The following SRGAP3 variants were observed in gnomAD, a reference collection of about 807,000 sequenced individuals.
SRGAP3 encodes the protein SLIT-ROBO Rho GTPase activating protein 3.
In SRGAP3, 39 loss-of-function variants were observed where a neutral mutation model predicts 121.1. The ratio of observed to expected loss-of-function variants is 0.32; its 90% CI spans 0.25 to 0.42. The LOEUF (loss-of-function observed/expected upper bound fraction) is 0.42, where lower values mean the gene tolerates loss of function less well. Ranked by LOEUF, SRGAP3 falls within the 10% of genes least tolerant of loss-of-function variation. SRGAP3 has a pLI of 1.00. For synonymous variants in SRGAP3, 601 were observed against 570.0 expected (o/e 1.05, Z -0.77); for missense variants, 1,213 against 1,470.6 (o/e 0.82, Z 2.86).
At chr3:8,988,439 A>G (rs1329852392) in intron 21 of SRGAP3, among the ~76,000 whole-genome samples, 1 of 152,088 alleles carries the variant, frequency 6.6e-6, no homozygotes, top group Non-Finnish European at 1.5e-5. Flanking sequence ...CTTACATATC[A>G]TTTACTACAA....
chr3:9,010,350 C>A lies in SRGAP3; in HGVS notation c.2185G>T (p.Val729Phe). The A allele has an allele frequency of 6.2e-7, 1 of 1,614,138 alleles. No homozygotes were observed. Among genetic ancestry groups the A allele is most frequent in the East Asian group, 2.2e-5 (1 of 44,876 alleles). Residue 729 changes from valine to phenylalanine, a missense_variant, in exon 18 of 22, where the codon GTT becomes TTT. By Grantham distance (50) the Val-to-Phe change is conservative (BLOSUM62 -1). Around this residue, in one of 2 missense-constraint regions of SRGAP3, gnomAD observed 793 missense variants for 1,032.9 expected, o/e 0.77. Transcript: ENST00000383836. The part of the protein sequence containing the change: ...PHSEPGAIDE[V>F]DHDNGTEPHT... ...GGCTCAGTGCCATTGTCATGGTCAA[C>A]TTCATCGATGGCCCCTGGCTCGCTG...
At chr3:9,164,532 T>A (rs1950717355) in intron 1 of SRGAP3, among the ~76,000 whole-genome samples, 1 of 151,934 alleles carries the variant, frequency 6.6e-6, no homozygotes, top group African/African-American at 2.4e-5. Flanking sequence ...TCAAGTGATC[T>A]ACTCACCTCA....
chr3:9,155,655 G>A (rs1296500945), intron 1 of SRGAP3, among the ~76,000 whole-genome samples: 2 of 152,038 alleles, frequency 1.3e-5, no homozygotes, highest in Admixed American at 6.5e-5. Flanking sequence ...CTTCAATTAT[G>A]TCCAGTATCA....
At chr3:9,275,744 A>ATTG (rs1954561355) in intron 3 of SRGAP3, among the ~76,000 whole-genome samples, 5 of 152,174 alleles carry the variant, frequency 3.3e-5, no homozygotes, top group African/African-American at 9.7e-5. Flanking sequence ...CTACCCCATC[A>ATTG]CGTGGAACTG....
At chr3:8,986,678 G>A (rs769431348) in intron 21 of SRGAP3, among the ~76,000 whole-genome samples, 7 of 152,224 alleles carry the variant, frequency 4.6e-5, no homozygotes, top group East Asian at 1.9e-4. Flanking sequence ...TGTTCACAGC[G>A]CACATCCCAG....
intron 3 of SRGAP3, among the ~76,000 whole-genome samples, chr3:9,322,236 G>A (rs1334684065): frequency 6.6e-6 from 1 of 151,772 alleles, no homozygotes; most frequent in Non-Finnish European, 1.5e-5. Context: ...CTCAACAAAG[G>A]GGAGTGTGGT....
intron 3 of SRGAP3, among the ~76,000 whole-genome samples, chr3:9,100,512 T>C (rs965007794): frequency 3.9e-5 from 6 of 152,166 alleles, no homozygotes; most frequent in African/African-American, 1.2e-4. Context: ...TTAGGACCTC[T>C]TGGCAGTTAC....
At chr3:9,083,514 C>T (rs1160544225) in intron 3 of SRGAP3, among the ~76,000 whole-genome samples, 2 of 152,208 alleles carry the variant, frequency 1.3e-5, no homozygotes, top group African/African-American at 2.4e-5. Context: ...TTTCACTTAA[C>T]GATATCTCTG....
At chr3:9,270,218 G>A (rs1333880952) in intron 3 of SRGAP3, among the ~76,000 whole-genome samples, 4 of 152,118 alleles carry the variant, frequency 2.6e-5, no homozygotes, top group Non-Finnish European at 5.9e-5. Flanking sequence ...TCTGTATTGT[G>A]TAATATTGAT....
rs919897017 is a variant in SRGAP3 at position 9,226,861 on chromosome 3, G to A, written c.67+22024C>T. 9.9e-5 allele frequency among the ~76,000 whole-genome samples: 15 copies of A among 152,190 alleles called. No individual in the cohort carries two copies. In the South Asian group the frequency reaches 1.0e-3, roughly 11 times the overall value. On this transcript the variant is annotated intron_variant, in intron 1 of 21. Coordinates refer to ENST00000383836, the MANE Select transcript of SRGAP3 (RefSeq NM_014850.4). ...GAAGCTGATGGCTCTTCATTTCATC[G>A]ATAACACAGATGGCACCATGAGCAC...
intron 15 of SRGAP3, among the ~76,000 whole-genome samples, 162 bp downstream of exon 15, chr3:9,015,435 A>G (rs1218235078): frequency 6.6e-6 from 1 of 152,170 alleles, no homozygotes; most frequent in Non-Finnish European, 1.5e-5. Flanking sequence ...CCCTTTCATT[A>G]TAAACCATCT....
intron 15 of SRGAP3, 53 bp downstream of exon 15, chr3:9,015,544 A>C: frequency 6.2e-7 from 1 of 1,610,474 alleles, no homozygotes; most frequent in East Asian, 2.2e-5. Flanking sequence ...CTGTAGCTCA[A>C]CTCCAACAAT....
intron 1 of SRGAP3, among the ~76,000 whole-genome samples, chr3:9,152,121 G>A (rs1403661425): frequency 1.3e-5 from 2 of 152,230 alleles, no homozygotes; most frequent in Non-Finnish European, 2.9e-5. Flanking sequence ...ATTCACTGCT[G>A]TATCCCCTGT....
intron 1 of SRGAP3, among the ~76,000 whole-genome samples, chr3:9,177,891 C>G (rs1355065299): frequency 6.6e-6 from 1 of 152,186 alleles, no homozygotes; most frequent in East Asian, 1.9e-4. Context: ...CACAACCAAG[C>G]AGGACCAGCA....
intron 3 of SRGAP3, among the ~76,000 whole-genome samples, chr3:9,104,404 C>T (rs1270005629): frequency 6.6e-6 from 1 of 152,170 alleles, no homozygotes; most frequent in East Asian, 1.9e-4. Flanking sequence ...AAATTTTCTA[C>T]AATGAATATG....
At chr3:9,326,597 C>T (rs555375932) in intron 2 of SRGAP3, among the ~76,000 whole-genome samples, 60 of 151,900 alleles carry the variant, frequency 3.9e-4, no homozygotes, top group African/African-American at 1.2e-3. Flanking sequence ...TAACACTGAA[C>T]TTATGTCCTC....
At chr3:9,087,168 G>T (rs1947540335) in intron 3 of SRGAP3, among the ~76,000 whole-genome samples, 3 of 152,124 alleles carry the variant, frequency 2.0e-5, no homozygotes, top group African/African-American at 7.2e-5. Flanking sequence ...CGAATGAAGT[G>T]ACAGTTCCTC....
chr3:9,091,432 G>A (rs540776447), intron 3 of SRGAP3, among the ~76,000 whole-genome samples: 3 of 152,040 alleles, frequency 2.0e-5, no homozygotes, highest in East Asian at 1.9e-4. Flanking sequence ...CCTAAATGCC[G>A]ACAGATCCTA....
rs1575039122 is a variant in SRGAP3 at position 9,078,917 on chromosome 3, A to C, written c.486+1108T>G. On this transcript the variant is annotated intron_variant, in intron 4 of 21. Coordinates refer to ENST00000383836, the MANE Select transcript of SRGAP3 (RefSeq NM_014850.4). ...TTTACTGATTGGGAGACTGAGGCCC[A>C]GGAAAAAAAATGCCTTGCCTAGAGT... is the stretch of plus-strand genomic sequence containing the variant. Among the ~76,000 whole-genome samples the C allele has an allele frequency of 2.0e-5, 3 of 152,326 alleles. No individual in the cohort carries two copies. The East Asian group carries it at 5.8e-4, about 29-fold the overall frequency.
Sources: allele counts gnomAD v4.1 joint callset (sites outside exome capture counted in the v4.1 genomes callset), GRCh38; gene constraint gnomAD v4.1.1; regional missense constraint gnomAD v4.1.1; transcripts MANE v1.5; gene names NCBI Gene and HGNC (gene_info 2026-07-23, HGNC 2026-07-21).